Variants in CWC22 observed in about 807,000 individuals in gnomAD.
CWC22 encodes the protein CWC22 spliceosome associated protein.
A neutral mutation model predicts 117.2 loss-of-function variants in CWC22; 53 were observed. The observed-to-expected ratio is 0.45, with a 90% CI of 0.36 to 0.57. The LOEUF (loss-of-function observed/expected upper bound fraction) is 0.57. CWC22 is among the 20% of genes least tolerant of loss of function. CWC22 has a pLI of 0.00. For missense variants in CWC22, 980 were observed against 1,068.8 expected (o/e 0.92, Z 1.16); for synonymous variants, 360 against 355.6 (o/e 1.01, Z -0.14).
chr2:179,951,449 C>T (rs1349201274), intron 17 of CWC22, among the ~76,000 whole-genome samples: 1 of 151,910 alleles, frequency 6.6e-6, no homozygotes, highest in Non-Finnish European at 1.5e-5. Flanking sequence ...ACTAACAATA[C>T]AAGGTGGTTT....
chr2:179,974,567 G>A (rs1022870666), intron 6 of CWC22, among the ~76,000 whole-genome samples: 19 of 152,124 alleles, frequency 1.2e-4, no homozygotes, highest in African/African-American at 3.9e-4. Context: ...TCACTAGAGT[G>A]GAAAATAAGA....
rs1333188070 is a variant in CWC22, at chr2:179,998,146, A to G, written c.-113-4692T>C. On this transcript the variant is annotated intron_variant, in intron 1 of 19. Transcript: ENST00000410053. ...AGTCTCCTCAGCTTTTCAATTTTACATAAGAAACTTTGGTTCTCAATTTGT... is the reference window on the plus strand; with the variant it reads ...AGTCTCCTCAGCTTTTCAATTTTACGTAAGAAACTTTGGTTCTCAATTTGT... Among the ~76,000 whole-genome samples the G allele has an allele frequency of 4.6e-5, 7 of 152,320 alleles. No homozygotes were observed. In the South Asian group the frequency reaches 1.0e-3, roughly 23 times the overall value.
chr2:179,961,657 G>A (rs191054092), intron 13 of CWC22, among the ~76,000 whole-genome samples: 1 of 152,062 alleles, frequency 6.6e-6, no homozygotes, highest in East Asian at 1.9e-4. Flanking sequence ...TCGAGTAGTT[G>A]ATGAAGAAAT....
At chr2:179,962,352 T>C (rs776649801) in intron 13 of CWC22, among the ~76,000 whole-genome samples, 6 of 152,124 alleles carry the variant, frequency 3.9e-5, no homozygotes, top group Non-Finnish European at 8.8e-5. Flanking sequence ...CCACCTGGCT[T>C]GATTATTACA....
At chr2:179,956,522 A>G (rs1366589217) in intron 14 of CWC22, among the ~76,000 whole-genome samples, 1 of 151,244 alleles carries the variant, frequency 6.6e-6, no homozygotes, top group Non-Finnish European at 1.5e-5. Flanking sequence ...ATCTACTCAA[A>G]GCTCAAAGGC....
At chr2:180,006,607 A>G (rs190457369) in intron 1 of CWC22, among the ~76,000 whole-genome samples, 170 of 152,366 alleles carry the variant, frequency 1.1e-3, no homozygotes, top group Middle Eastern at 3.4e-3. Flanking sequence ...CAAGAGGCAT[A>G]AGAGTGCAAG....
At chr2:179,984,775 A>C (rs548159183) in intron 4 of CWC22, among the ~76,000 whole-genome samples, 1 of 152,156 alleles carries the variant, frequency 6.6e-6, no homozygotes, top group East Asian at 1.9e-4. Flanking sequence ...GACAAATCAC[A>C]GTTCCTTTAT....
In CWC22 at chr2:179,950,386, T is replaced by C. The variant is rs538290719; in HGVS notation, c.2140+126A>G. ...GAATGATAGATGGGACCATTTGTATTAATTGTGGCTTTTAAACAACTGATC... is the reference window on the plus strand; with the variant it reads ...GAATGATAGATGGGACCATTTGTATCAATTGTGGCTTTTAAACAACTGATC... On this transcript the variant is annotated intron_variant, in intron 19 of 19. Transcript: ENST00000410053. The C allele has an allele frequency of 5.3e-5, 33 of 623,546 alleles. No individual in the cohort carries two copies. The South Asian group carries it at 6.6e-4, about 13-fold the overall frequency. 38.6% of individuals were successfully genotyped at this position (623,546 alleles called of 1,614,324 possible). A position where few individuals can be genotyped will look rare whatever the true frequency, so the allele number is the denominator to read the frequency against.
At chr2:179,974,233 T>C (rs1186845630) in intron 6 of CWC22, among the ~76,000 whole-genome samples, 1 of 152,216 alleles carries the variant, frequency 6.6e-6, no homozygotes, top group African/African-American at 2.4e-5. Context: ...AAATTAATTT[T>C]GTGATTAAAG....
rs1044896889 is a variant in CWC22 at position 179,993,204 on chromosome 2, G to A, written c.27+111C>T. On this transcript the variant is annotated intron_variant, in intron 2 of 19. Coordinates refer to ENST00000410053, the MANE Select transcript of CWC22 (RefSeq NM_020943.3). ...CAATTACTTTTGCACCAACCTAAGT[G>A]CCATTCTACTGTCTGGCTCTGATGT... 2.1e-5 allele frequency: 17 copies of A among 799,904 alleles called. No homozygotes were observed. In the South Asian group the frequency reaches 2.6e-4, roughly 12 times the overall value. The allele number at this position is 799,904 out of a possible 1,614,324, so 49.6% of individuals were successfully genotyped here.
chr2:179,964,392 G>A (rs1289506972), intron 13 of CWC22, among the ~76,000 whole-genome samples, 155 bp downstream of exon 13: 1 of 152,072 alleles, frequency 6.6e-6, no homozygotes, highest in African/African-American at 2.4e-5. Flanking sequence ...CAACAGAAAG[G>A]TACTATGAGC....
chr2:179,966,748 C>T (rs1394929393), intron 11 of CWC22, among the ~76,000 whole-genome samples: 1 of 152,108 alleles, frequency 6.6e-6, no homozygotes, highest in Admixed American at 6.5e-5. Context: ...GCTCTGTTAG[C>T]CTGATAAAAG....
chr2:179,989,156 C>T (rs1343678593), intron 2 of CWC22, among the ~76,000 whole-genome samples: 1 of 151,758 alleles, frequency 6.6e-6, no homozygotes, highest in African/African-American at 2.4e-5. Flanking sequence ...ATACTTCTTT[C>T]TAGCCAAAAA....
intron 19 of CWC22, 120 bp from the exon 20 acceptor site, chr2:179,945,835 A>C (rs922380074): frequency 1.6e-5 from 10 of 613,386 alleles, no homozygotes; most frequent in African/African-American, 1.3e-4. Flanking sequence ...GTGCAAAGCC[A>C]AATTGATTGA....
Position 179,964,488 on chromosome 2 carries a change from C to G in CWC22, c.1397+59G>C, listed in dbSNP as rs770494160. On this transcript the variant is annotated intron_variant, in intron 13 of 19. Coordinates refer to ENST00000410053, the MANE Select transcript of CWC22 (RefSeq NM_020943.3). The stretch of plus-strand genomic sequence containing the variant: ...TGAGACCCTAAAATGTATCCCTGAT[C>G]TCTTTACCCATCCCTTATCAAAAAC... The G allele has an allele frequency of 2.9e-5, 25 of 859,242 alleles. 1 individual carries two copies. The highest frequency in any genetic ancestry group is 7.1e-5 in the Admixed American group (3 of 42,330). 53.2% of individuals were successfully genotyped at this position (859,242 alleles called of 1,614,324 possible).
At position 179,949,861 on chromosome 2, in the gene CWC22, C is replaced by T. The variant is rs148693793; in HGVS notation, c.2140+651G>A. ...TTAACTATAACTAAATGCAGTAATG[C>T]ATCTAAATCTCACAAACATAATGGT... is the stretch of plus-strand genomic sequence containing the variant. On this transcript the variant is annotated intron_variant, in intron 19 of 19. Coordinates refer to ENST00000410053, the MANE Select transcript of CWC22 (RefSeq NM_020943.3). Among the ~76,000 whole-genome samples the T allele has an allele frequency of 4.3e-4, 65 of 152,144 alleles. No homozygotes were observed. The East Asian group carries it at 0.012, about 29-fold the overall frequency.
At chr2:179,993,216 T>C (rs1477296212) in intron 2 of CWC22, 99 bp downstream of exon 2, 3 of 927,344 alleles carry the variant, frequency 3.2e-6, no homozygotes, top group African/African-American at 3.3e-5. Context: ...CATTCTACTG[T>C]CTGGCTCTGA....
At chr2:179,971,624 C>G (rs977933877) in intron 8 of CWC22, among the ~76,000 whole-genome samples, 1 of 152,088 alleles carries the variant, frequency 6.6e-6, no homozygotes, top group African/African-American at 2.4e-5. Flanking sequence ...TTTGAATAGT[C>G]TATCTTTTTT....
intron 1 of CWC22, among the ~76,000 whole-genome samples, chr2:180,002,911 C>G (rs1687880044): frequency 6.6e-6 from 1 of 152,214 alleles, no homozygotes; most frequent in Non-Finnish European, 1.5e-5. Context: ...ATGAAAGGCT[C>G]TGTATGAGTA....
Sources: gnomAD v4.1 joint callset for allele counts (sites outside exome capture counted in the v4.1 genomes callset) on GRCh38, gnomAD v4.1.1 for gene constraint, MANE v1.5 for transcripts, NCBI Gene and HGNC (gene_info 2026-07-23, HGNC 2026-07-21) for gene names.